The following LSM12 variants were observed in gnomAD, a reference collection of about 807,000 sequenced individuals.
LSM12 encodes protein LSM12.
For synonymous variants in LSM12, 74 were observed against 87.3 expected (o/e 0.85, Z 0.85); for missense variants, 108 against 238.9 (o/e 0.45, Z 3.61).
intron 2 of LSM12, among the ~76,000 whole-genome samples, chr17:44,058,299 G>A (rs2049747765): frequency 6.6e-6 from 1 of 151,860 alleles, no homozygotes; most frequent in Admixed American, 6.6e-5. Flanking sequence ...ACTAACATCT[G>A]CCAAGTCTAA....
At chr17:44,051,649 AC>A (rs1383105960) in intron 2 of LSM12, among the ~76,000 whole-genome samples, 11 of 152,082 alleles carry the variant, frequency 7.2e-5, no homozygotes, top group Non-Finnish European at 1.2e-4. Flanking sequence ...GTTCTAGAAT[AC>A]CTAAGAGTAA....
chr17:44,055,925 T>C (rs1401722119), intron 2 of LSM12, among the ~76,000 whole-genome samples: 10 of 151,656 alleles, frequency 6.6e-5, no homozygotes, highest in Non-Finnish European at 1.2e-4. Context: ...GTGAAACTGG[T>C]AGAATTCAGA....
intron 2 of LSM12, among the ~76,000 whole-genome samples, chr17:44,051,327 G>A (rs939502249): frequency 6.7e-6 from 1 of 148,828 alleles, no homozygotes; most frequent in African/African-American, 2.5e-5. Flanking sequence ...GGAGGCAGAG[G>A]TTGCAGTGAA....
At chr17:44,040,347 A>G in intron 2 of LSM12, 91 bp from the exon 3 acceptor site, 2 of 938,910 alleles carry the variant, frequency 2.1e-6, no homozygotes, top group Non-Finnish European at 3.3e-6. Context: ...GGAGGCCAGG[A>G]AAGACTTGTT....
At chr17:44,058,130 G>A (rs997540691) in intron 2 of LSM12, among the ~76,000 whole-genome samples, 9 of 151,632 alleles carry the variant, frequency 5.9e-5, no homozygotes, top group African/African-American at 1.5e-4. Flanking sequence ...CCAGCTACTC[G>A]GGAGGCTGAG....
chr17:44,039,488 T>C (rs2049460953), intron 3 of LSM12, among the ~76,000 whole-genome samples: 1 of 145,634 alleles, frequency 6.9e-6, no homozygotes. Flanking sequence ...TTCACGCCAT[T>C]CTCCTGCCTC....
intron 2 of LSM12, among the ~76,000 whole-genome samples, chr17:44,057,307 G>A (rs745565321): frequency 3.7e-4 from 56 of 149,830 alleles, no homozygotes; most frequent in Non-Finnish European, 2.5e-4. Flanking sequence ...ATGCCACCAC[G>A]CCCAGCTAAT....
chr17:44,041,324 C>CACACAA (rs1567955869), intron 2 of LSM12, among the ~76,000 whole-genome samples: 3 of 145,352 alleles, frequency 2.1e-5, no homozygotes, highest in African/African-American at 8.0e-5. Flanking sequence ...CACACACACA[C>CACACAA]ACACACACAA....
chr17:44,056,212 T>C (rs1438744734), intron 2 of LSM12, among the ~76,000 whole-genome samples: 1 of 151,628 alleles, frequency 6.6e-6, no homozygotes, highest in African/African-American at 2.4e-5. Context: ...GGAGAATTGC[T>C]TGAAACCGGG....
chr17:44,039,078 G>A (rs1045635133), intron 3 of LSM12, among the ~76,000 whole-genome samples: 4 of 151,920 alleles, frequency 2.6e-5, no homozygotes, highest in South Asian at 2.1e-4. Context: ...TTTTTGAGAC[G>A]GAGTTTTGCT....
At chr17:44,059,064 G>A (rs2049760278) in intron 2 of LSM12, among the ~76,000 whole-genome samples, 1 of 152,116 alleles carries the variant, frequency 6.6e-6, no homozygotes, top group African/African-American at 2.4e-5. Flanking sequence ...TACTCAGGAA[G>A]CTTGGGCGGA....
At chr17:44,061,591 G>C (rs2049796239) in intron 2 of LSM12, among the ~76,000 whole-genome samples, 1 of 152,202 alleles carries the variant, frequency 6.6e-6, no homozygotes, top group Admixed American at 6.5e-5. Flanking sequence ...CCAGATCTGA[G>C]GTAACGACAT....
chr17:44,064,423 T>C (rs1032525456), intron 1 of LSM12, among the ~76,000 whole-genome samples: 2 of 152,182 alleles, frequency 1.3e-5, no homozygotes, highest in African/African-American at 2.4e-5. Context: ...GCCTACTGTA[T>C]GTCAAGTAAA....
intron 2 of LSM12, among the ~76,000 whole-genome samples, chr17:44,049,084 G>A (rs2049608710): frequency 6.6e-6 from 1 of 152,090 alleles, no homozygotes; most frequent in South Asian, 2.1e-4. Flanking sequence ...CCAGCTACTT[G>A]GGAGGCTGAG....
intron 2 of LSM12, among the ~76,000 whole-genome samples, chr17:44,056,353 C>T (rs1010721458): frequency 2.0e-5 from 3 of 151,450 alleles, no homozygotes; most frequent in Non-Finnish European, 2.9e-5. Context: ...CCTGTAAATC[C>T]ACCACTTTGG....
At chr17:44,048,351 A>G (rs2049598749) in intron 2 of LSM12, among the ~76,000 whole-genome samples, 1 of 151,652 alleles carries the variant, frequency 6.6e-6, no homozygotes, top group East Asian at 1.9e-4. Context: ...GCACAGTAAC[A>G]TGCACCTGTA....
Position 44,060,037 on chromosome 17 carries a change from C to T in LSM12, c.258+3764G>A, listed in dbSNP as rs1027370663. Among the ~76,000 whole-genome samples, 5 of 152,032 alleles carry T rather than the reference C, an allele frequency of 3.3e-5. No individual in the cohort carries two copies. The East Asian group carries it at 7.7e-4, about 23-fold the overall frequency. On this transcript the variant is annotated intron_variant, in intron 2 of 4. Coordinates refer to ENST00000293406, the MANE Select transcript of LSM12 (RefSeq NM_001371445.1). ...AAAATTAGCCGGACATGGTGGCGGG[C>T]GCCTGTAGTCCCAGCTACTCGGGAG...
chr17:44,047,395 C>T (rs1427414261), intron 2 of LSM12, among the ~76,000 whole-genome samples: 2 of 151,924 alleles, frequency 1.3e-5, no homozygotes, highest in African/African-American at 4.8e-5. Flanking sequence ...TACAGGCCCA[C>T]ACCACCACGC....
At chr17:44,038,156 C>T (rs1195978978) in intron 3 of LSM12, among the ~76,000 whole-genome samples, 1 of 151,970 alleles carries the variant, frequency 6.6e-6, no homozygotes, top group Non-Finnish European at 1.5e-5. Flanking sequence ...CGAGACCAGA[C>T]TGGGCAACAG....
Sources: gnomAD v4.1 joint callset for allele counts (sites outside exome capture counted in the v4.1 genomes callset) on GRCh38, gnomAD v4.1.1 for gene constraint, MANE v1.5 for transcripts, NCBI Gene and HGNC (gene_info 2026-07-23, HGNC 2026-07-21) for gene names.